The following IQGAP2 variants were observed in gnomAD, a reference collection of about 807,000 sequenced individuals.
IQGAP2 encodes the protein ras GTPase-activating-like protein IQGAP2.
A neutral mutation model predicts 201.3 loss-of-function variants in IQGAP2; 173 were observed. The ratio of observed to expected loss-of-function variants is 0.86; its 90% CI spans 0.76 to 0.98. The LOEUF (loss-of-function observed/expected upper bound fraction) is 0.98. IQGAP2 is among the 50% of genes least tolerant of loss of function. The pLI is 0.00. For missense variants in IQGAP2, 1,687 were observed against 1,864.8 expected (o/e 0.90, Z 1.76); for synonymous variants, 675 against 673.9 (o/e 1.00, Z -0.03).
chr5:76,491,736 C>T (rs905089503), intron 2 of IQGAP2, among the ~76,000 whole-genome samples: 50 of 152,190 alleles, frequency 3.3e-4, no homozygotes, highest in African/African-American at 1.2e-3. Context: ...TTTCTCTTCT[C>T]TCACATACCT....
At chr5:76,431,517 G>A (rs186711221) in intron 1 of IQGAP2, among the ~76,000 whole-genome samples, 42 of 152,146 alleles carry the variant, frequency 2.8e-4, no homozygotes, top group African/African-American at 9.4e-4. Context: ...TTGTAGTTGC[G>A]AGAGAAATTT....
intron 1 of IQGAP2, among the ~76,000 whole-genome samples, chr5:76,436,638 C>A (rs1411600879): frequency 7.0e-6 from 1 of 142,718 alleles, no homozygotes; most frequent in Admixed American, 7.1e-5. Context: ...TCAAGTGATT[C>A]TTCTGCCTCA....
chr5:76,481,033 C>A lies in IQGAP2; in HGVS notation c.146+19364C>A, dbSNP rs183261516. On this transcript the variant is annotated intron_variant, in intron 2 of 35. Transcript: ENST00000274364. ...TCAATAAGGCCCTACCTAGTTCCCT[C>A]CAGCCCTTTTATAAGGTCACTAATC... 4.7e-3 allele frequency among the ~76,000 whole-genome samples: 706 copies of A among 151,286 alleles called. 1 individual carries two copies. The highest frequency in any genetic ancestry group is 0.017 in the African/African-American group (677 of 40,630).
intron 1 of IQGAP2, among the ~76,000 whole-genome samples, chr5:76,439,374 G>T (rs1752899889): frequency 6.6e-6 from 1 of 152,184 alleles, no homozygotes; most frequent in South Asian, 2.1e-4. Flanking sequence ...CTAGAGTGTG[G>T]TTTAAGTCCA....
At chr5:76,550,815 A>G (rs1743416379) in intron 2 of IQGAP2, among the ~76,000 whole-genome samples, 1 of 152,190 alleles carries the variant, frequency 6.6e-6, no homozygotes, top group Non-Finnish European at 1.5e-5. Flanking sequence ...CCCCTTTTCT[A>G]TTTGACAAAA....
chr5:76,526,309 A>G (rs1393728900), intron 2 of IQGAP2, among the ~76,000 whole-genome samples: 2 of 152,232 alleles, frequency 1.3e-5, no homozygotes, highest in Non-Finnish European at 2.9e-5. Flanking sequence ...CAGTGATAGA[A>G]TAAAATGACA....
At chr5:76,407,860 G>A (rs1418136484) in intron 1 of IQGAP2, among the ~76,000 whole-genome samples, 2 of 152,178 alleles carry the variant, frequency 1.3e-5, no homozygotes, top group Admixed American at 1.3e-4. Flanking sequence ...GCTGGGCATG[G>A]TGGCTCACAC....
chr5:76,516,336 A>G (rs1758320664), intron 2 of IQGAP2, among the ~76,000 whole-genome samples: 1 of 152,188 alleles, frequency 6.6e-6, no homozygotes, highest in African/African-American at 2.4e-5. Flanking sequence ...TACTGTTTTG[A>G]GGAAAGATAA....
At chr5:76,404,583 T>G (rs1427070217) in intron 1 of IQGAP2, 1 of 720,180 alleles carries the variant, frequency 1.4e-6, no homozygotes, top group Non-Finnish European at 1.7e-6. Context: ...GTTTTGTTTG[T>G]GTGTGTGTGT....
intron 16 of IQGAP2, among the ~76,000 whole-genome samples, chr5:76,637,881 A>G (rs1170122175): frequency 6.6e-6 from 1 of 152,248 alleles, no homozygotes; most frequent in Non-Finnish European, 1.5e-5. Context: ...CCAAGAGTTA[A>G]ACAAGATACA....
chr5:76,588,001 C>G (rs1746370361), intron 5 of IQGAP2, among the ~76,000 whole-genome samples: 1 of 150,894 alleles, frequency 6.6e-6, no homozygotes. Context: ...ATGCAAGCTA[C>G]TTACATTAAA....
chr5:76,520,866 C>T (rs551629782), intron 2 of IQGAP2, among the ~76,000 whole-genome samples: 32 of 152,170 alleles, frequency 2.1e-4, no homozygotes, highest in South Asian at 2.1e-3. Flanking sequence ...CGCCACCATG[C>T]CCGGCTAATT....
At chr5:76,636,910 A>G (rs1751174317) in intron 15 of IQGAP2, 124 bp from the exon 16 acceptor site, 2 of 709,882 alleles carry the variant, frequency 2.8e-6, no homozygotes, top group South Asian at 5.3e-5. Context: ...GTCACTTCTG[A>G]TGCCTTTGGC....
At chr5:76,634,008 A>G (rs1697844) in intron 15 of IQGAP2, among the ~76,000 whole-genome samples, 86,364 of 151,408 alleles carry the variant, frequency 0.57, 24,688 homozygotes, top group South Asian at 0.62. Flanking sequence ...ATTCATGTCC[A>G]GGTTTTTTCA....
intron 22 of IQGAP2, among the ~76,000 whole-genome samples, chr5:76,666,968 A>C (rs1047438471): frequency 2.0e-5 from 3 of 152,110 alleles, no homozygotes; most frequent in Admixed American, 2.0e-4. Context: ...CTGATCTCAA[A>C]CACCTGAGCT....
chr5:76,544,459 A>G (rs77288787), intron 2 of IQGAP2, among the ~76,000 whole-genome samples: 2,871 of 152,278 alleles, frequency 0.019, 92 homozygotes, highest in African/African-American at 0.065. Context: ...ATTAACCTAC[A>G]TATAAAATCA....
chr5:76,536,037 C>G (rs960111728), intron 2 of IQGAP2, among the ~76,000 whole-genome samples: 1 of 149,150 alleles, frequency 6.7e-6, no homozygotes, highest in African/African-American at 2.5e-5. Context: ...AGCACGTACC[C>G]ATTTACCTGG....
Position 76,461,585 on chromosome 5 carries a change from A to G in IQGAP2, c.62A>G (p.Glu21Gly), listed in dbSNP as rs777521275. ...CTATTTCTAGCTATTGTGGACGATGAAAGGCTCTCTGCAGAGGAGATGGAT... is the reference window on the plus strand; with the variant it reads ...CTATTTCTAGCTATTGTGGACGATGGAAGGCTCTCTGCAGAGGAGATGGAT... ...RPRYGSIVDD[E>G]RLSAEEMDER... Residue 21 changes from glutamate to glycine, a missense_variant, in exon 2 of 36, where the codon GAA becomes GGA. Glu to Gly is a moderately conservative substitution (Grantham distance 98). Coordinates refer to ENST00000274364, the MANE Select transcript of IQGAP2 (RefSeq NM_006633.5). The G allele has an allele frequency of 2.5e-6, 4 of 1,613,394 alleles. No individual in the cohort carries two copies. Among genetic ancestry groups the G allele is most frequent in the Non-Finnish European group, 3.4e-6 (4 of 1,179,384 alleles).
chr5:76,413,969 T>A (rs1024350291), intron 1 of IQGAP2, among the ~76,000 whole-genome samples: 2 of 152,170 alleles, frequency 1.3e-5, no homozygotes, highest in Admixed American at 1.3e-4. Flanking sequence ...CTAACGTCCC[T>A]CAGGCCTCAC....
Sources: allele counts gnomAD v4.1 joint callset (sites outside exome capture counted in the v4.1 genomes callset), GRCh38; gene constraint gnomAD v4.1.1; transcripts MANE v1.5; gene names NCBI Gene and HGNC (gene_info 2026-07-23, HGNC 2026-07-21).